IFT80: variants seen among roughly 807,000 people sequenced by gnomAD.
The protein encoded by IFT80 is intraflagellar transport 80, also known as intraflagellar transport protein 80 homolog.
A neutral mutation model predicts 107.9 loss-of-function variants in IFT80; 79 were observed. The observed-to-expected ratio is 0.73, with a 90% CI of 0.61 to 0.88. IFT80 has a LOEUF of 0.88. Ranked by LOEUF, IFT80 falls within the 40% of genes least tolerant of loss-of-function variation. IFT80 has a pLI of 0.00. For missense variants in IFT80, 797 were observed against 914.2 expected, an observed-to-expected ratio of 0.87 and a Z score of 1.65; for synonymous variants, 299 against 300.9, an observed-to-expected ratio of 0.99 and a Z score of 0.07.
At chr3:160,380,674 G>C (rs565689637) in intron 3 of IFT80, among the ~76,000 whole-genome samples, 1 of 150,470 alleles carries the variant, frequency 6.6e-6, no homozygotes, top group Admixed American at 6.6e-5. Context: ...GTATTTCTAA[G>C]AAAACAAATA....
intron 10 of IFT80, among the ~76,000 whole-genome samples, chr3:160,304,847 G>A (rs1227311247): frequency 2.6e-5 from 4 of 152,102 alleles, no homozygotes; most frequent in African/African-American, 9.7e-5. Flanking sequence ...GCAGGTACCA[G>A]AAAAACAGAA....
intron 9 of IFT80, among the ~76,000 whole-genome samples, chr3:160,318,036 C>G (rs1207463365): frequency 6.6e-6 from 1 of 151,120 alleles, no homozygotes; most frequent in Non-Finnish European, 1.5e-5. Flanking sequence ...GAGTCCTTAT[C>G]TTTTAGTTAT....
At chr3:160,283,110 A>G (rs1039574437) in intron 13 of IFT80, among the ~76,000 whole-genome samples, 9 of 152,206 alleles carry the variant, frequency 5.9e-5, no homozygotes, top group African/African-American at 2.2e-4. Flanking sequence ...CAAGCTTGTA[A>G]TGTAGGTATT....
intron 1 of IFT80, among the ~76,000 whole-genome samples, chr3:160,385,195 A>G (rs1712830274): frequency 6.6e-6 from 1 of 152,230 alleles, no homozygotes; most frequent in East Asian, 1.9e-4. Flanking sequence ...GAGGTAATAA[A>G]TTGCTTATAA....
At chr3:160,292,372 T>A (rs1178977513) in intron 12 of IFT80, among the ~76,000 whole-genome samples, 2 of 151,796 alleles carry the variant, frequency 1.3e-5, no homozygotes, top group Non-Finnish European at 2.9e-5. Context: ...AGTGGTTTTC[T>A]AAAACAGGGG....
chr3:160,367,482 C>T (rs1030425265), intron 5 of IFT80, among the ~76,000 whole-genome samples: 2 of 152,150 alleles, frequency 1.3e-5, no homozygotes, highest in Non-Finnish European at 2.9e-5. Context: ...ATAACTTCAT[C>T]CAAAAACAAT....
chr3:160,309,902 G>C (rs2108280549), intron 9 of IFT80, among the ~76,000 whole-genome samples: 1 of 152,040 alleles, frequency 6.6e-6, no homozygotes, highest in African/African-American at 2.4e-5. Flanking sequence ...AAATTTTCTG[G>C]TCAGAGAGAG....
chr3:160,259,080 C>A (rs1489517973), intron 19 of IFT80, among the ~76,000 whole-genome samples: 3 of 152,088 alleles, frequency 2.0e-5, no homozygotes, highest in Non-Finnish European at 2.9e-5. Context: ...TGCACTCCAG[C>A]CTGGGTGACA....
intron 2 of IFT80, among the ~76,000 whole-genome samples, chr3:160,382,310 CTT>C (rs545463263): frequency 6.6e-6 from 1 of 152,100 alleles, no homozygotes; most frequent in Non-Finnish European, 1.5e-5. Flanking sequence ...TCTTACCAAA[CTT>C]TTTTTAAATT....
intron 8 of IFT80, among the ~76,000 whole-genome samples, chr3:160,334,607 G>A (rs529709610): frequency 2.1e-4 from 32 of 152,166 alleles, no homozygotes; most frequent in African/African-American, 7.5e-4. Flanking sequence ...AGTAGAGACG[G>A]GGTTTCACCA....
intron 1 of IFT80, among the ~76,000 whole-genome samples, chr3:160,385,836 C>A (rs776334237): frequency 2.0e-5 from 3 of 152,088 alleles, no homozygotes; most frequent in Non-Finnish European, 4.4e-5. Context: ...TAACATTTTA[C>A]GAAATGCTGC....
chr3:160,353,715 T>C (rs923569389), intron 8 of IFT80, among the ~76,000 whole-genome samples: 1 of 152,232 alleles, frequency 6.6e-6, no homozygotes, highest in Admixed American at 6.5e-5. Flanking sequence ...AAAAACTTCC[T>C]GTATAGCACT....
At chr3:160,272,364 T>C (rs1285367493) in intron 18 of IFT80, among the ~76,000 whole-genome samples, 2 of 152,208 alleles carry the variant, frequency 1.3e-5, no homozygotes, top group African/African-American at 4.8e-5. Flanking sequence ...GCTGAAATAT[T>C]TACAGAAAAA....
At position 160,365,125 on chromosome 3, in the gene IFT80, A is replaced by C. The variant is rs77072062; in HGVS notation, c.549+918T>G. Among the ~76,000 whole-genome samples the C allele has an allele frequency of 8.5e-5, 13 of 152,186 alleles. No individual in the cohort carries two copies. The East Asian group carries it at 2.5e-3, about 29-fold the overall frequency. ...CAGATTTTCAGCGTAGGTAATTGGC[A>C]TGGAAGGACTTTGACTAAGAGCCAT... On this transcript the variant is annotated intron_variant, in intron 6 of 19. Coordinates refer to ENST00000326448, the MANE Select transcript of IFT80 (RefSeq NM_020800.3).
intron 8 of IFT80, among the ~76,000 whole-genome samples, chr3:160,337,976 G>A (rs867232519): frequency 6.6e-6 from 1 of 152,168 alleles, no homozygotes; most frequent in Middle Eastern, 3.4e-3. Context: ...GTTGCTTTGG[G>A]CGTCATCTTT....
chr3:160,381,818 G>C (rs938686875), intron 2 of IFT80, 94 bp from the exon 3 acceptor site: 8 of 973,678 alleles, frequency 8.2e-6, no homozygotes, highest in Non-Finnish European at 1.3e-5. Flanking sequence ...AGTAAAATAG[G>C]GTCAAATGGT....
chr3:160,274,878 C>T (rs1489981941), intron 18 of IFT80, among the ~76,000 whole-genome samples: 1 of 152,212 alleles, frequency 6.6e-6, no homozygotes, highest in Admixed American at 6.5e-5. Context: ...CGAGATCGTG[C>T]CGCCGCACTC....
intron 12 of IFT80, among the ~76,000 whole-genome samples, chr3:160,297,981 C>T (rs1716119988): frequency 6.6e-6 from 1 of 152,102 alleles, no homozygotes; most frequent in Non-Finnish European, 1.5e-5. Flanking sequence ...AACTACTCCC[C>T]AACTTCCAGA....
chr3:160,350,813 C>CA (rs541074409), intron 8 of IFT80, among the ~76,000 whole-genome samples: 131 of 138,788 alleles, frequency 9.4e-4, no homozygotes, highest in South Asian at 5.2e-3. Context: ...GGCTCCGTTT[C>CA]AAAAAAAAAA....
Sources: gnomAD v4.1 joint callset for allele counts (sites outside exome capture counted in the v4.1 genomes callset) on GRCh38, gnomAD v4.1.1 for gene constraint, MANE v1.5 for transcripts, NCBI Gene and HGNC (gene_info 2026-07-23, HGNC 2026-07-21) for gene names.